MARCHF5: variants seen among roughly 807,000 people sequenced by gnomAD.
The protein encoded by MARCHF5 is E3 ubiquitin-protein ligase MARCHF5.
MARCHF5 carries 5 observed loss-of-function variants against 36.5 expected under a neutral mutation model. That is an observed-to-expected ratio of 0.14 (90% CI 0.07 to 0.29). The LOEUF (loss-of-function observed/expected upper bound fraction) is 0.29, where lower values mean the gene tolerates loss of function less well. Among genes scored for constraint, MARCHF5 ranks in the 10% least tolerant of loss-of-function variants. The probability of loss-of-function intolerance (pLI) is 1.00; values close to 1 mark genes in which losing one functional copy is unlikely to be tolerated. For missense variants in MARCHF5, 179 were observed against 336.3 expected (o/e 0.53, Z 3.66); for synonymous variants, 103 against 109.9 (o/e 0.94, Z 0.39).
intron 2 of MARCHF5, among the ~76,000 whole-genome samples, chr10:92,336,116 A>G (rs1843499433): frequency 6.6e-6 from 1 of 152,018 alleles, no homozygotes; most frequent in Non-Finnish European, 1.5e-5. Context: ...GCTCACTGCA[A>G]CCTCTGCCTC....
chr10:92,294,519 A>G (rs1190121865), intron 1 of MARCHF5, among the ~76,000 whole-genome samples: 1 of 152,218 alleles, frequency 6.6e-6, no homozygotes, highest in Non-Finnish European at 1.5e-5. Context: ...CACTTGAGGA[A>G]TACCAACAGG....
intron 1 of MARCHF5, among the ~76,000 whole-genome samples, chr10:92,302,891 C>G (rs918994741): frequency 2.6e-5 from 4 of 152,284 alleles, no homozygotes; most frequent in South Asian, 2.1e-4. Flanking sequence ...ATATATAATA[C>G]AACAGCAGCA....
At position 92,291,437 on chromosome 10, in the gene MARCHF5, T is replaced by C; in HGVS notation, c.-58T>C. Reference sequence around the variant, plus strand: ...CGCCGCCTCTCAGTGCTATTGTCCCTGGGCCTGGCCTTGAGCGGGTCCACT... The same window carrying C: ...CGCCGCCTCTCAGTGCTATTGTCCCCGGGCCTGGCCTTGAGCGGGTCCACT... On this transcript the variant is annotated 5_prime_UTR_variant, in exon 1 of 6. Transcript: ENST00000358935. 1 of 1,445,926 alleles carries C rather than the reference T, an allele frequency of 6.9e-7. No homozygotes were observed. The highest frequency in any genetic ancestry group is 9.5e-7 in the Non-Finnish European group (1 of 1,052,502). 89.6% of individuals were successfully genotyped at this position (1,445,926 alleles called of 1,614,324 possible).
chr10:92,327,307 G>A (rs1187726296), intron 2 of MARCHF5, among the ~76,000 whole-genome samples: 2 of 136,222 alleles, frequency 1.5e-5, no homozygotes, highest in Non-Finnish European at 3.1e-5. Context: ...TATATGAAGA[G>A]CTTTTTTTTT....
At chr10:92,328,314 C>A (rs552687813) in intron 2 of MARCHF5, among the ~76,000 whole-genome samples, 5 of 151,066 alleles carry the variant, frequency 3.3e-5, no homozygotes, top group African/African-American at 7.3e-5. Context: ...TAGTGTTTGC[C>A]ACATTTCTCC....
At position 92,293,530 on chromosome 10, in the gene MARCHF5, G is replaced by A. The variant is rs151015528; in HGVS notation, c.35+2001G>A. 9.9e-3 allele frequency among the ~76,000 whole-genome samples: 1,507 copies of A among 151,812 alleles called. 25 individuals carry two copies. Among genetic ancestry groups the A allele is most frequent in the African/African-American group, 0.034 (1,411 of 41,418 alleles). ...TCACCCTTGTAATCCCAGCACTTTG[G>A]GAGGCCAAGGCAGGCAGATCACTAG... On this transcript the variant is annotated intron_variant, in intron 1 of 5. Transcript: ENST00000358935.
At chr10:92,301,580 G>T (rs1345548102) in intron 1 of MARCHF5, among the ~76,000 whole-genome samples, 1 of 152,182 alleles carries the variant, frequency 6.6e-6, no homozygotes, top group African/African-American at 2.4e-5. Context: ...AAGACAAAAG[G>T]CACGGCATGA....
chr10:92,308,825 C>A (rs2135184440), intron 1 of MARCHF5, among the ~76,000 whole-genome samples: 1 of 151,926 alleles, frequency 6.6e-6, no homozygotes, highest in Admixed American at 6.6e-5. Flanking sequence ...CTGTCTCAGC[C>A]TCCTGAGTAG....
Position 92,291,206 on chromosome 10 carries a change from G to A in MARCHF5, c.-289G>A, listed in dbSNP as rs528901143. The A allele has an allele frequency of 2.9e-4, 147 of 512,620 alleles. 1 individual carries two copies. Among genetic ancestry groups the A allele is most frequent in the African/African-American group, 2.5e-3 (121 of 48,590 alleles). 31.8% of individuals were successfully genotyped at this position (512,620 alleles called of 1,614,324 possible). A position where few individuals can be genotyped will look rare whatever the true frequency, so the allele number is the denominator to read the frequency against. ...GCTCCTCCGCCGGCAGCAACTCGGCGCCCGCGGTCCATGGACCGGAACCTC... is the reference window on the plus strand; with the variant it reads ...GCTCCTCCGCCGGCAGCAACTCGGCACCCGCGGTCCATGGACCGGAACCTC... On this transcript the variant is annotated 5_prime_UTR_variant, in exon 1 of 6. Coordinates refer to ENST00000358935, the MANE Select transcript of MARCHF5 (RefSeq NM_017824.5).
intron 3 of MARCHF5, 61 bp from the exon 4 acceptor site, chr10:92,349,288 T>C: frequency 7.9e-7 from 1 of 1,260,474 alleles, no homozygotes; most frequent in Non-Finnish European, 1.1e-6. Context: ...AAAATAGAGC[T>C]TAACATGCAA....
chr10:92,308,966 A>G (rs1334866591), intron 1 of MARCHF5, among the ~76,000 whole-genome samples: 3 of 152,086 alleles, frequency 2.0e-5, no homozygotes, highest in South Asian at 2.1e-4. Flanking sequence ...CAGCCTCCCA[A>G]AGTGCTGGGA....
At chr10:92,293,413 TC>T (rs1172678678) in intron 1 of MARCHF5, among the ~76,000 whole-genome samples, 1 of 152,062 alleles carries the variant, frequency 6.6e-6, no homozygotes, top group Non-Finnish European at 1.5e-5. Flanking sequence ...CTAGAAAAGT[TC>T]TTATGTCCAA....
intron 3 of MARCHF5, 54 bp from the exon 4 acceptor site, chr10:92,349,295 G>A: frequency 3.8e-6 from 5 of 1,315,090 alleles, no homozygotes; most frequent in Non-Finnish European, 5.2e-6. Flanking sequence ...AGCTTAACAT[G>A]CAACACCTCA....
intron 2 of MARCHF5, among the ~76,000 whole-genome samples, chr10:92,318,401 G>A (rs1843240907): frequency 6.9e-6 from 1 of 144,434 alleles, no homozygotes; most frequent in Admixed American, 7.2e-5. Flanking sequence ...ACTCCAGCCT[G>A]GGCAACTGGA....
intron 2 of MARCHF5, chr10:92,333,550 A>G: frequency 1.6e-6 from 1 of 614,622 alleles, no homozygotes; most frequent in Non-Finnish European, 2.0e-6. Flanking sequence ...ACATGGACAG[A>G]CATAAAGGAT....
chr10:92,331,336 C>G (rs1843433640), intron 2 of MARCHF5, among the ~76,000 whole-genome samples: 1 of 151,846 alleles, frequency 6.6e-6, no homozygotes, highest in Non-Finnish European at 1.5e-5. Context: ...CTTTTCACAT[C>G]AGAGACTTCA....
In MARCHF5 at chr10:92,349,748, T is replaced by G; in HGVS notation, c.631T>G (p.Cys211Gly). 6.2e-7 allele frequency: 1 copy of G among 1,614,120 alleles called. No homozygotes were observed. The highest frequency in any genetic ancestry group is 8.5e-7 in the Non-Finnish European group (1 of 1,179,970). The change falls in exon 5 of 6, where the codon TGT becomes GGT. Residue 211 changes from cysteine (C) to glycine (G), a missense_variant. Physicochemically the swap from Cys to Gly is radical, Grantham distance 159 (BLOSUM62 -3). Around this residue, in one of 3 missense-constraint regions of MARCHF5, gnomAD observed 95 missense variants for 139.5 expected, o/e 0.68. Transcript: ENST00000358935. ...TCATGTCTCTGCTACTCGAATCTTG[T>G]GTGGAGCCCTTGTCTTTCCTACTAT... ...ADHVSATRIL[C>G]GALVFPTIAT...
At chr10:92,329,148 G>A (rs1843407309) in intron 2 of MARCHF5, among the ~76,000 whole-genome samples, 1 of 152,046 alleles carries the variant, frequency 6.6e-6, no homozygotes, top group South Asian at 2.1e-4. Flanking sequence ...TGAGTCAGAG[G>A]GTAAATTGAA....
At chr10:92,301,561 T>G (rs1843012051) in intron 1 of MARCHF5, among the ~76,000 whole-genome samples, 1 of 152,202 alleles carries the variant, frequency 6.6e-6, no homozygotes, top group Non-Finnish European at 1.5e-5. Flanking sequence ...TCAGAGTTTA[T>G]GAACATCAAA....
Sources: allele counts gnomAD v4.1 joint callset (sites outside exome capture counted in the v4.1 genomes callset), GRCh38; gene constraint gnomAD v4.1.1; regional missense constraint gnomAD v4.1.1; transcripts MANE v1.5; gene names NCBI Gene and HGNC (gene_info 2026-07-23, HGNC 2026-07-21).